Variants in PIEZO2 observed in about 807,000 individuals in gnomAD.
PIEZO2 encodes piezo-type mechanosensitive ion channel component 2.
PIEZO2 carries 172 observed loss-of-function variants against 337.3 expected under a neutral mutation model. That is an observed-to-expected ratio of 0.51 (90% confidence interval 0.45 to 0.58). The LOEUF (loss-of-function observed/expected upper bound fraction) is 0.58, where lower values mean the gene tolerates loss of function less well. Ranked by LOEUF, PIEZO2 falls within the 20% of genes least tolerant of loss-of-function variation. The pLI, the probability that PIEZO2 is intolerant of heterozygous loss-of-function variation, is 0.00. For synonymous variants in PIEZO2, 1,251 were observed against 1,228.5 expected (o/e 1.02, Z -0.38); for missense variants, 3,028 against 3,391.3 (o/e 0.89, Z 2.66).
In PIEZO2 at chr18:10,872,226, C is replaced by T. The variant is rs114028556; in HGVS notation, c.330-811G>A. On this transcript the variant is annotated intron_variant, in intron 4 of 55. Coordinates refer to ENST00000674853, the MANE Select transcript of PIEZO2 (RefSeq NM_001378183.1). This position sits in a 1 kb window ranked among gnomAD's most constrained non-coding sequence, Gnocchi z 4.3. Reference sequence around the variant, plus strand: ...TTGAGAAGAGCAGCATCAATTGACACTTAGATAATTTTCACACATATAGGG... The same window carrying T: ...TTGAGAAGAGCAGCATCAATTGACATTTAGATAATTTTCACACATATAGGG... Among the ~76,000 whole-genome samples the T allele has an allele frequency of 0.014, 2,100 of 152,206 alleles. 54 individuals carry two copies. Among genetic ancestry groups the T allele is most frequent in the African/African-American group, 0.048 (1,981 of 41,520 alleles).
intron 3 of PIEZO2, among the ~76,000 whole-genome samples, chr18:10,960,307 A>G (rs980661613): frequency 2.0e-5 from 3 of 152,182 alleles, no homozygotes; most frequent in Admixed American, 1.3e-4. Flanking sequence ...ATTCTTATAC[A>G]TTCAATGTTT....
At chr18:10,725,022 G>C in intron 36 of PIEZO2, 3 of 1,586,282 alleles carry the variant, frequency 1.9e-6, no homozygotes, top group Non-Finnish European at 2.6e-6. Context: ...GTGCCAGCAA[G>C]AGCCCCTGCA....
chr18:10,865,985 T>C (rs1318081166), intron 5 of PIEZO2, among the ~76,000 whole-genome samples: 1 of 152,202 alleles, frequency 6.6e-6, no homozygotes, highest in Non-Finnish European at 1.5e-5. Flanking sequence ...AACAACATAT[T>C]CCAAGAAATT....
At chr18:10,997,980 T>C (rs2035388864) in intron 2 of PIEZO2, among the ~76,000 whole-genome samples, 2 of 152,110 alleles carry the variant, frequency 1.3e-5, no homozygotes, top group Admixed American at 1.3e-4. Flanking sequence ...ACTAACCTGT[T>C]GAAAAACTAA....
In PIEZO2 at chr18:11,105,345, G is replaced by A. The variant is rs1285689323; in HGVS notation, c.65-39123C>T. On this transcript the variant is annotated intron_variant, in intron 1 of 55. Coordinates refer to ENST00000674853, the MANE Select transcript of PIEZO2 (RefSeq NM_001378183.1). This position sits in a 1 kb window ranked among gnomAD's most constrained non-coding sequence, Gnocchi z 4.3. ...AAATTCAGACTTACTCCTCTAGACT[G>A]TAAACCACACAACTAAACTCGACAA... is the stretch of plus-strand genomic sequence containing the variant. Among the ~76,000 whole-genome samples, 1 of 152,138 alleles carries A rather than the reference G, an allele frequency of 6.6e-6. No homozygotes were observed. Among genetic ancestry groups the A allele is most frequent in the African/African-American group, 2.4e-5 (1 of 41,434 alleles).
chr18:10,857,319 G>T, intron 5 of PIEZO2, 108 bp from the exon 6 acceptor site: 1 of 956,536 alleles, frequency 1.0e-6, no homozygotes, highest in Non-Finnish European at 1.6e-6. Context: ...GAATTTCACA[G>T]ATCAGGAAAA....
intron 23 of PIEZO2, among the ~76,000 whole-genome samples, chr18:10,761,440 C>T (rs1319599022): frequency 1.3e-5 from 2 of 152,100 alleles, no homozygotes; most frequent in African/African-American, 4.8e-5. Flanking sequence ...TTGTTTGCAG[C>T]CAGAAGTGCA....
chr18:10,700,721 A>C, intron 43 of PIEZO2, among the ~76,000 whole-genome samples: 1 of 152,244 alleles, frequency 6.6e-6, no homozygotes, highest in East Asian at 1.9e-4. Flanking sequence ...TCTAAGACTA[A>C]AAAACAAGGT....
intron 3 of PIEZO2, among the ~76,000 whole-genome samples, chr18:10,964,282 T>C (rs981234030): frequency 1.3e-5 from 2 of 152,100 alleles, no homozygotes; most frequent in Non-Finnish European, 2.9e-5. Flanking sequence ...CAATTCTGAG[T>C]GTATAGCACT....
chr18:10,833,096 G>T lies in PIEZO2; in HGVS notation c.917+22257C>A, dbSNP rs1568111182. Among the ~76,000 whole-genome samples, 2 of 152,170 alleles carry T rather than the reference G, an allele frequency of 1.3e-5. No individual in the cohort carries two copies. The highest frequency in any genetic ancestry group is 2.9e-5 in the Non-Finnish European group (2 of 68,024). ...GCTCTTGGCAGACATGCCATCGAGA[G>T]AAATCTCAGCCCCAGAAGAGCAAGT... On this transcript the variant is annotated intron_variant, in intron 7 of 55. Coordinates refer to ENST00000674853, the MANE Select transcript of PIEZO2 (RefSeq NM_001378183.1). The surrounding 1 kb of genome is among the most constrained non-coding windows in gnomAD (Gnocchi z 4.7).
At chr18:10,916,335 G>C (rs933435568) in intron 3 of PIEZO2, among the ~76,000 whole-genome samples, 2 of 152,182 alleles carry the variant, frequency 1.3e-5, no homozygotes, top group African/African-American at 4.8e-5. Flanking sequence ...CCGCCTAGCA[G>C]GGGGCGGCGC....
chr18:10,718,770 G>A (rs2036119371), intron 36 of PIEZO2, among the ~76,000 whole-genome samples: 1 of 152,044 alleles, frequency 6.6e-6, no homozygotes, highest in African/African-American at 2.4e-5. Context: ...CCAGCACTTT[G>A]GGAGGTTGAG....
intron 4 of PIEZO2, among the ~76,000 whole-genome samples, chr18:10,892,216 G>C (rs552106505): frequency 6.6e-6 from 1 of 152,030 alleles, no homozygotes; most frequent in South Asian, 2.1e-4. Flanking sequence ...AATACCATTA[G>C]CAATAAAAGG....
chr18:10,723,290 A>G (rs922418560), intron 36 of PIEZO2, among the ~76,000 whole-genome samples: 1 of 152,080 alleles, frequency 6.6e-6, no homozygotes, highest in African/African-American at 2.4e-5. Flanking sequence ...GATTAACTGT[A>G]TTGGGTGCTG....
At chr18:10,843,730 G>T (rs1211888486) in intron 7 of PIEZO2, among the ~76,000 whole-genome samples, 3 of 152,170 alleles carry the variant, frequency 2.0e-5, no homozygotes, top group Non-Finnish European at 4.4e-5. Context: ...ATGAGATACA[G>T]TTTCCGACCT....
At chr18:10,691,423 T>C (rs1450825240) in intron 47 of PIEZO2, 40 bp from the exon 48 acceptor site, 1 of 1,589,112 alleles carries the variant, frequency 6.3e-7, no homozygotes, top group Non-Finnish European at 8.6e-7. Context: ...AATGAAATAC[T>C]CTTCTGAAAC....
rs533189057 is a variant in PIEZO2, at chr18:10,680,332, T to C, written c.7819A>G (p.Ile2607Val). The C allele has an allele frequency of 3.1e-6, 5 of 1,614,102 alleles. No homozygotes were observed. The highest frequency in any genetic ancestry group is 3.3e-5 in the Admixed American group (2 of 60,012). Residue 2607 changes from isoleucine (I) to valine (V), a missense_variant, in exon 52 of 56, where the codon ATA (isoleucine) becomes GTA (valine). Ile to Val is a conservative substitution (Grantham distance 29). Coordinates refer to ENST00000674853, the MANE Select transcript of PIEZO2 (RefSeq NM_001378183.1). ...QFLENYEKED[I>V]TVAELEGNSN... is the part of the protein sequence containing the mutation. ...TTTCCTTCCAGTTCTGCTACTGTTA[T>C]GTCTTCTTTTTCATAATTTTCCAGA...
At chr18:10,841,913 G>C (rs1280189858) in intron 7 of PIEZO2, among the ~76,000 whole-genome samples, 2 of 152,138 alleles carry the variant, frequency 1.3e-5, no homozygotes, top group Admixed American at 6.5e-5. Context: ...CCTGTAAGCT[G>C]AGCACTTTGG....
At chr18:10,797,027 CAT>C (rs1419900502) in intron 12 of PIEZO2, among the ~76,000 whole-genome samples, 3 of 151,834 alleles carry the variant, frequency 2.0e-5, no homozygotes, top group African/African-American at 7.3e-5. Context: ...ACCATCATAT[CAT>C]ATCTTACATA....
Sources: allele counts gnomAD v4.1 joint callset (sites outside exome capture counted in the v4.1 genomes callset), GRCh38; gene constraint gnomAD v4.1.1; non-coding constraint Gnocchi (gnomAD v3.1); transcripts MANE v1.5; gene names NCBI Gene and HGNC (gene_info 2026-07-23, HGNC 2026-07-21).